KHDRBS3: variants seen among roughly 807,000 people sequenced by gnomAD.
The protein encoded by KHDRBS3 is KH RNA binding domain containing, signal transduction associated 3.
Under a neutral mutation model 45.6 loss-of-function variants are expected in KHDRBS3, and 23 were observed. That is an observed-to-expected ratio of 0.50 (90% CI 0.36 to 0.72). The LOEUF (loss-of-function observed/expected upper bound fraction) is 0.72. Among genes scored for constraint, KHDRBS3 ranks in the 30% least tolerant of loss-of-function variants. KHDRBS3 has a pLI of 0.00. For missense variants in KHDRBS3, 352 were observed against 424.8 expected (o/e 0.83, Z 1.51); for synonymous variants, 162 against 156.5 (o/e 1.04, Z -0.26).
At chr8:135,539,667 G>A (rs1825949561) in intron 2 of KHDRBS3, 1 of 152,170 alleles carries the variant, frequency 6.6e-6, no homozygotes, top group African/African-American at 2.4e-5. Context: ...TAGGTAATAT[G>A]GTCTGTGTTT....
intron 2 of KHDRBS3, among the ~76,000 whole-genome samples, chr8:135,522,103 C>G (rs1330878150): frequency 6.6e-6 from 1 of 152,146 alleles, no homozygotes; most frequent in Non-Finnish European, 1.5e-5. Flanking sequence ...TCTCCCTCCC[C>G]CTGCCCCCAT....
At chr8:135,518,261 C>T (rs879812200) in intron 1 of KHDRBS3, among the ~76,000 whole-genome samples, 1 of 152,082 alleles carries the variant, frequency 6.6e-6, no homozygotes. Context: ...GCAAGCTCCG[C>T]CTCCCGTGTT....
chr8:135,580,597 C>G (rs1398559802), intron 5 of KHDRBS3, among the ~76,000 whole-genome samples: 7 of 130,660 alleles, frequency 5.4e-5, no homozygotes, highest in African/African-American at 2.0e-4. Context: ...CTTCCTCTCT[C>G]TCTCTCTCTT....
rs1199083263 is a variant in KHDRBS3 at position 135,645,132 on chromosome 8, A to G, written c.949+15A>G. The G allele has an allele frequency of 1.7e-5, 28 of 1,613,248 alleles. No homozygotes were observed. Among genetic ancestry groups the G allele is most frequent in the Non-Finnish European group, 2.3e-5 (27 of 1,179,632 alleles). ...TGATTCCTACGGTGAGTGACTGGCC[A>G]GAGCATGTGAAGAGAGGGAGGAGAG... On this transcript the variant is annotated intron_variant, in intron 8 of 8. Coordinates refer to ENST00000355849, the MANE Select transcript of KHDRBS3 (RefSeq NM_006558.3).
Position 135,457,884 on chromosome 8 carries a change from G to C in KHDRBS3, c.18G>C (p.Leu6=), listed in dbSNP as rs1183583461. 4 of 1,597,542 alleles carry C rather than the reference G, an allele frequency of 2.5e-6. No individual in the cohort carries two copies. The Admixed American group carries it at 5.1e-5, about 20-fold the overall frequency. The part of the protein sequence containing the change: MEEKY[L]PELMAEKDSL... ...CGGCGAGCATGGAGGAGAAGTACCT[G>C]CCCGAGCTGATGGCGGAGAAGGACT... is the stretch of plus-strand genomic sequence containing the variant. The change falls in exon 1 of 9, where the codon CTG becomes CTC. Residue 6 remains leucine (L), a synonymous_variant. Coordinates refer to ENST00000355849, the MANE Select transcript of KHDRBS3 (RefSeq NM_006558.3). The surrounding 1 kb of genome is among the most constrained non-coding windows in gnomAD (Gnocchi z 4.4).
intron 2 of KHDRBS3, chr8:135,541,173 C>T (rs1200676545): frequency 6.6e-6 from 1 of 152,096 alleles, no homozygotes; most frequent in Non-Finnish European, 1.5e-5. Flanking sequence ...AACAGAGAGA[C>T]ACAAACAATA....
chr8:135,633,414 A>G (rs1182632028), intron 7 of KHDRBS3, among the ~76,000 whole-genome samples: 1 of 152,228 alleles, frequency 6.6e-6, no homozygotes, highest in African/African-American at 2.4e-5. Context: ...CCCAGTTTGC[A>G]TATAAATGCA....
chr8:135,608,751 C>T (rs565502682), intron 7 of KHDRBS3, among the ~76,000 whole-genome samples: 3 of 152,262 alleles, frequency 2.0e-5, no homozygotes, highest in African/African-American at 7.2e-5. Flanking sequence ...ATTGTGTGAA[C>T]ATCATAGAGT....
intron 7 of KHDRBS3, among the ~76,000 whole-genome samples, chr8:135,617,925 C>T (rs1829986624): frequency 6.6e-6 from 1 of 152,176 alleles, no homozygotes; most frequent in Non-Finnish European, 1.5e-5. Context: ...GTCAGAAGCA[C>T]AGACTTGAGG....
At chr8:135,551,412 G>A (rs1826593004) in intron 4 of KHDRBS3, among the ~76,000 whole-genome samples, 1 of 152,082 alleles carries the variant, frequency 6.6e-6, no homozygotes, top group African/African-American at 2.4e-5. Flanking sequence ...TGTTGAAGAA[G>A]TTCTCTTATA....
At chr8:135,562,674 A>G (rs1356579538) in intron 5 of KHDRBS3, among the ~76,000 whole-genome samples, 3 of 152,218 alleles carry the variant, frequency 2.0e-5, no homozygotes, top group Admixed American at 2.0e-4. Context: ...CCCAAGGGTA[A>G]GGTCAGTACA....
chr8:135,488,051 A>T (rs1822954073), intron 1 of KHDRBS3, among the ~76,000 whole-genome samples: 1 of 152,234 alleles, frequency 6.6e-6, no homozygotes, highest in African/African-American at 2.4e-5. Context: ...ATATGTCTAT[A>T]TACATGTGTA....
intron 2 of KHDRBS3, among the ~76,000 whole-genome samples, chr8:135,537,001 GAT>G (rs1825810987): frequency 5.6e-5 from 5 of 89,004 alleles, no homozygotes; most frequent in Non-Finnish European, 8.8e-5. Flanking sequence ...AAAAAAAGGA[GAT>G]GTTTAGGAGG....
At chr8:135,593,670 G>T (rs533181647) in intron 6 of KHDRBS3, among the ~76,000 whole-genome samples, 1 of 152,136 alleles carries the variant, frequency 6.6e-6, no homozygotes, top group East Asian at 1.9e-4. Flanking sequence ...TAGAGACAGG[G>T]TCTCACTTTG....
intron 2 of KHDRBS3, chr8:135,538,908 G>T (rs1163176630): frequency 6.6e-6 from 1 of 151,980 alleles, no homozygotes. Flanking sequence ...CTAGCTTGAA[G>T]GATTTTTTCT....
chr8:135,591,819 T>C (rs1828756556), intron 6 of KHDRBS3, among the ~76,000 whole-genome samples: 2 of 152,192 alleles, frequency 1.3e-5, no homozygotes. Context: ...GTTTGGGGAT[T>C]TTTATAGAGA....
At chr8:135,516,927 T>G (rs961043229) in intron 1 of KHDRBS3, among the ~76,000 whole-genome samples, 1 of 152,138 alleles carries the variant, frequency 6.6e-6, no homozygotes, top group South Asian at 2.1e-4. Context: ...ATTACTAAAA[T>G]TTTTATATTG....
chr8:135,613,367 ATG>A (rs984195307), intron 7 of KHDRBS3, among the ~76,000 whole-genome samples: 5 of 151,786 alleles, frequency 3.3e-5, no homozygotes, highest in Non-Finnish European at 7.3e-5. Context: ...CTTTTATAAA[ATG>A]TGTAACTGTT....
At chr8:135,524,322 A>G (rs910648206) in intron 2 of KHDRBS3, among the ~76,000 whole-genome samples, 1 of 152,156 alleles carries the variant, frequency 6.6e-6, no homozygotes, top group African/African-American at 2.4e-5. Context: ...ATTTTTTAAA[A>G]TAATATTTTT....
Sources: allele counts gnomAD v4.1 joint callset (sites outside exome capture counted in the v4.1 genomes callset), GRCh38; gene constraint gnomAD v4.1.1; non-coding constraint Gnocchi (gnomAD v3.1); transcripts MANE v1.5; gene names NCBI Gene and HGNC (gene_info 2026-07-23, HGNC 2026-07-21).